Variants in NMNAT2 observed in about 807,000 individuals in gnomAD.
NMNAT2 encodes the protein nicotinamide/nicotinic acid mononucleotide adenylyltransferase 2.
In NMNAT2, 11 loss-of-function variants were observed where a neutral mutation model predicts 41.6. That is an observed-to-expected ratio of 0.26 (90% CI 0.17 to 0.44). The LOEUF is 0.44. Ranked by LOEUF, NMNAT2 falls within the 20% of genes least tolerant of loss-of-function variation. The pLI, the probability that NMNAT2 is intolerant of heterozygous loss-of-function variation, is 1.00. For missense variants in NMNAT2, 288 were observed against 407.7 expected, an observed-to-expected ratio of 0.71 and a Z score of 2.53; for synonymous variants, 148 against 151.2, an observed-to-expected ratio of 0.98 and a Z score of 0.16.
chr1:183,351,039 C>T (rs570505233), intron 1 of NMNAT2, among the ~76,000 whole-genome samples: 66 of 152,274 alleles, frequency 4.3e-4, no homozygotes, highest in African/African-American at 1.5e-3. Context: ...GTCCCATCAC[C>T]GTTATTAGCC....
rs1002875333 is a variant in NMNAT2, at chr1:183,317,872, GA to G, written c.86-24080del. 1.1e-4 allele frequency among the ~76,000 whole-genome samples: 16 copies of G among 152,064 alleles called. 1 individual carries two copies. Among genetic ancestry groups the G allele is most frequent in the African/African-American group, 1.4e-4 (6 of 41,408 alleles). On this transcript the variant is annotated intron_variant, in intron 1 of 10. Transcript: ENST00000287713. ...AAAGATTCTTGACCAGTGTCCAAAA[GA>G]AAAAAATATTTAAATTAGCATCCAC... is the stretch of plus-strand genomic sequence containing the variant.
chr1:183,398,844 A>G (rs1327270723), intron 1 of NMNAT2, among the ~76,000 whole-genome samples: 1 of 152,248 alleles, frequency 6.6e-6, no homozygotes, highest in African/African-American at 2.4e-5. Flanking sequence ...GCAGAAATAA[A>G]GATGTTCTTT....
At chr1:183,284,676 A>C in intron 6 of NMNAT2, 34 bp downstream of exon 6, 1 of 1,556,058 alleles carries the variant, frequency 6.4e-7, no homozygotes, top group Non-Finnish European at 8.9e-7. Flanking sequence ...AAGAAAAGAG[A>C]CAGGACTGGG....
intron 8 of NMNAT2, among the ~76,000 whole-genome samples, chr1:183,275,597 T>TAGG (rs1661101357): frequency 6.6e-6 from 1 of 151,588 alleles, no homozygotes; most frequent in South Asian, 2.1e-4. Flanking sequence ...TGAGCATAGC[T>TAGG]AGGATGGGTG....
chr1:183,377,004 G>A (rs897894205), intron 1 of NMNAT2, among the ~76,000 whole-genome samples: 2 of 152,082 alleles, frequency 1.3e-5, no homozygotes, highest in Non-Finnish European at 2.9e-5. Flanking sequence ...GTTCTGGGTG[G>A]GAAGGAGAAC....
chr1:183,298,585 T>A (rs1365539746), intron 1 of NMNAT2, among the ~76,000 whole-genome samples: 1 of 152,104 alleles, frequency 6.6e-6, no homozygotes, highest in Non-Finnish European at 1.5e-5. Context: ...TAACTGAGAG[T>A]CCTTTTCAAG....
At chr1:183,389,756 GAAAGAAAGAAAGAAAGAA>G (rs1557897485) in intron 1 of NMNAT2, among the ~76,000 whole-genome samples, 1,454 of 26,846 alleles carry the variant, frequency 0.054, 63 homozygotes, top group Middle Eastern at 0.061. Context: ...AAGAAAGAAA[GAAAGAAAGAAAGAAAGAA>G]AGAAAGAAAG....
chr1:183,413,131 G>A (rs990037983), intron 1 of NMNAT2, among the ~76,000 whole-genome samples: 2 of 152,178 alleles, frequency 1.3e-5, no homozygotes, highest in East Asian at 3.8e-4. Flanking sequence ...TTCAAATAAA[G>A]TGGCTTCATG....
chr1:183,335,371 T>C (rs1662661773), intron 1 of NMNAT2, among the ~76,000 whole-genome samples: 1 of 152,128 alleles, frequency 6.6e-6, no homozygotes, highest in Admixed American at 6.6e-5. Flanking sequence ...TGGATGCAAA[T>C]AGGAAGGAAA....
At chr1:183,256,243 C>T (rs1660513390) in intron 10 of NMNAT2, among the ~76,000 whole-genome samples, 1 of 151,564 alleles carries the variant, frequency 6.6e-6, no homozygotes. Context: ...CTGTCTCTAC[C>T]AAAAATACAC....
At chr1:183,312,255 T>C (rs1662139386) in intron 1 of NMNAT2, among the ~76,000 whole-genome samples, 2 of 151,716 alleles carry the variant, frequency 1.3e-5, no homozygotes, top group African/African-American at 4.8e-5. Context: ...TTATTTTAAA[T>C]AATTTAAGGC....
At chr1:183,280,386 C>CT (rs200221124) in intron 7 of NMNAT2, among the ~76,000 whole-genome samples, 62 of 149,514 alleles carry the variant, frequency 4.1e-4, no homozygotes, top group East Asian at 2.3e-3. Context: ...CGTAAACTTC[C>CT]TTTTTTTTTT....
At chr1:183,370,897 G>C (rs2101910893) in intron 1 of NMNAT2, among the ~76,000 whole-genome samples, 1 of 152,310 alleles carries the variant, frequency 6.6e-6, no homozygotes, top group East Asian at 1.9e-4. Flanking sequence ...TATAGCCCCA[G>C]AGCCTCAGGG....
chr1:183,279,787 A>C, intron 7 of NMNAT2, among the ~76,000 whole-genome samples: 1 of 152,198 alleles, frequency 6.6e-6, no homozygotes, highest in East Asian at 1.9e-4. Context: ...AGGGAGCCCC[A>C]CTGAGGACTG....
chr1:183,280,430 C>T (rs1661230306), intron 7 of NMNAT2, among the ~76,000 whole-genome samples: 1 of 152,126 alleles, frequency 6.6e-6, no homozygotes. Flanking sequence ...CTCTGTCACC[C>T]AAGCTGGAGT....
At chr1:183,256,993 C>T (rs990357642) in intron 10 of NMNAT2, among the ~76,000 whole-genome samples, 1 of 151,918 alleles carries the variant, frequency 6.6e-6, no homozygotes, top group African/African-American at 2.4e-5. Context: ...CTCAAGTGAT[C>T]GATCTGCCTT....
At chr1:183,300,023 G>A (rs537833322) in intron 1 of NMNAT2, among the ~76,000 whole-genome samples, 1 of 152,312 alleles carries the variant, frequency 6.6e-6, no homozygotes, top group African/African-American at 2.4e-5. Context: ...TAGGTCATGA[G>A]GATGGAACCC....
At chr1:183,289,825 T>C (rs1460867835) in intron 4 of NMNAT2, among the ~76,000 whole-genome samples, 1 of 152,188 alleles carries the variant, frequency 6.6e-6, no homozygotes, top group African/African-American at 2.4e-5. Context: ...AATCCCACCT[T>C]GAACTTGCTC....
chr1:183,312,415 C>A (rs1162111069), intron 1 of NMNAT2, among the ~76,000 whole-genome samples: 1 of 152,010 alleles, frequency 6.6e-6, no homozygotes. Flanking sequence ...GATTTTCCAA[C>A]AAGCTGCAGG....
Sources: gnomAD v4.1 joint callset for allele counts (sites outside exome capture counted in the v4.1 genomes callset) on GRCh38, gnomAD v4.1.1 for gene constraint, MANE v1.5 for transcripts, NCBI Gene and HGNC (gene_info 2026-07-23, HGNC 2026-07-21) for gene names.